Variants in GLT1D1 observed in about 807,000 individuals in gnomAD.
GLT1D1 encodes the protein glycosyltransferase 1 domain containing 1, also known as glycosyltransferase 1 domain-containing protein 1.
A neutral mutation model predicts 28.7 loss-of-function variants in GLT1D1; 21 were observed. The ratio of observed to expected loss-of-function variants is 0.73; its 90% CI spans 0.52 to 1.05. The LOEUF (loss-of-function observed/expected upper bound fraction) is 1.05. GLT1D1 is among the 50% of genes least tolerant of loss of function. The probability of loss-of-function intolerance (pLI) is 0.00; values close to 1 mark genes in which losing one functional copy is unlikely to be tolerated. For synonymous variants in GLT1D1, 147 were observed against 124.8 expected, an observed-to-expected ratio of 1.18 and a Z score of -1.19; for missense variants, 343 against 330.6, an observed-to-expected ratio of 1.04 and a Z score of -0.29.
chr12:128,890,244 C>T (rs577666433), intron 3 of GLT1D1, among the ~76,000 whole-genome samples: 22 of 152,262 alleles, frequency 1.4e-4, no homozygotes, highest in African/African-American at 5.1e-4. Context: ...TAAAACACGC[C>T]TTCTCTGCGC....
At chr12:128,957,491 G>T (rs1020958552) in intron 6 of GLT1D1, 54 bp from the exon 11 acceptor site, 7 of 1,243,308 alleles carry the variant, frequency 5.6e-6, no homozygotes, top group Non-Finnish European at 8.3e-6. Flanking sequence ...TCATCTTGCC[G>T]CAGAGGCTCT....
At chr12:128,950,659 AGT>A (rs1876604228) in intron 6 of GLT1D1, among the ~76,000 whole-genome samples, 1 of 152,138 alleles carries the variant, frequency 6.6e-6, no homozygotes. Context: ...CTGGCTGCTG[AGT>A]GTCTTATGAC....
At chr12:128,899,405 A>G (rs1391948700) in intron 4 of GLT1D1, 118 bp downstream of exon 4, 1 of 808,906 alleles carries the variant, frequency 1.2e-6, no homozygotes, top group African/African-American at 1.7e-5. Context: ...TGTTGCGGCC[A>G]CAATAGTGTA....
chr12:128,880,154 C>T (rs1488739412), intron 2 of GLT1D1, among the ~76,000 whole-genome samples: 1 of 152,196 alleles, frequency 6.6e-6, no homozygotes, highest in Non-Finnish European at 1.5e-5. Context: ...ACTTATTTCT[C>T]CTCTAGTCAG....
At chr12:128,973,473 G>A (rs1363892815) in intron 7 of GLT1D1, among the ~76,000 whole-genome samples, 2 of 151,444 alleles carry the variant, frequency 1.3e-5, no homozygotes, top group African/African-American at 4.9e-5. Context: ...GATGACAAGC[G>A]TGAGCCACCA....
At chr12:128,896,835 G>C (rs1456967025) in intron 3 of GLT1D1, among the ~76,000 whole-genome samples, 1 of 151,894 alleles carries the variant, frequency 6.6e-6, no homozygotes, top group African/African-American at 2.4e-5. Flanking sequence ...TTGAGATTGG[G>C]CATTTATATC....
chr12:128,982,961 T>C lies in GLT1D1; in HGVS notation c.672T>C (p.Ser224=). The C allele has an allele frequency of 1.2e-6, 2 of 1,614,088 alleles. No homozygotes were observed. The highest frequency in any genetic ancestry group is 1.3e-5 in the African/African-American group (1 of 75,038). ...TTCATCTGGCAAAGAGACTGGTTAG[T>C]GATCCTGCATTAGAAAAGGAAATCG... The change falls in exon 8 of 8, where the codon AGT becomes AGC. Residue 224 remains serine (S), a synonymous_variant. Transcript: ENST00000281703.
At chr12:128,978,158 C>T (rs517020) in intron 7 of GLT1D1, among the ~76,000 whole-genome samples, 1 of 151,418 alleles carries the variant, frequency 6.6e-6, no homozygotes, top group African/African-American at 2.4e-5. Flanking sequence ...GAGTGGACAC[C>T]CCCTCCTCCG....
chr12:128,952,773 C>CTTTTTTTTTTTTTTT (rs71072430), intron 6 of GLT1D1, among the ~76,000 whole-genome samples: 1 of 58,936 alleles, frequency 1.7e-5, no homozygotes, highest in African/African-American at 7.9e-5. Flanking sequence ...CCGTGACTGG[C>CTTTTTTTTTTTTTTT]TTTTTTTTTT....
In GLT1D1 at chr12:128,983,534, C is replaced by A; in HGVS notation, c.*444C>A. The A allele has an allele frequency of 6.2e-6, 1 of 161,210 alleles. No homozygotes were observed. The highest frequency in any genetic ancestry group is 5.9e-5 in the Admixed American group (1 of 17,086). 10.0% of individuals were successfully genotyped at this position (161,210 alleles called of 1,614,324 possible). On this transcript the variant is annotated 3_prime_UTR_variant, in exon 8 of 8. Transcript: ENST00000281703. The surrounding 1 kb of genome is among the most constrained non-coding windows in gnomAD (Gnocchi z 4.7). ...AAGCAAAACAGACGTGTCAGCTGAG[C>A]CGAGTCCTCGCAGGATTTTTGTTGT...
chr12:128,965,508 A>T (rs1267920730), intron 7 of GLT1D1, among the ~76,000 whole-genome samples: 2 of 152,108 alleles, frequency 1.3e-5, no homozygotes, highest in Admixed American at 6.6e-5. Context: ...ACTTGCAGAA[A>T]CCATGAGACA....
chr12:128,916,503 C>A (rs1872126218), intron 4 of GLT1D1, among the ~76,000 whole-genome samples: 1 of 152,180 alleles, frequency 6.6e-6, no homozygotes, highest in Admixed American at 6.5e-5. Flanking sequence ...ACTCCACATT[C>A]TTGCCCACCG....
In GLT1D1 at chr12:128,888,717, T is replaced by G; in HGVS notation, c.296T>G (p.Val99Gly). 1 of 1,612,568 alleles carries G rather than the reference T, an allele frequency of 6.2e-7. No homozygotes were observed. Among genetic ancestry groups the G allele is most frequent in the Non-Finnish European group, 8.5e-7 (1 of 1,178,686 alleles). The change falls in exon 3 of 8, where the codon GTC becomes GGC. Residue 99 changes from valine (V) to glycine (G), a missense_variant. Val to Gly is a moderately radical substitution (Grantham distance 109). Transcript: ENST00000281703. ...GCCAACCAGGCGGAAAAAAACACAG[T>G]CATGGGCAGAGTTCTTGAGGAAGCC... is the stretch of plus-strand genomic sequence containing the variant.
chr12:128,867,262 G>A (rs1956556833), intron 1 of GLT1D1, among the ~76,000 whole-genome samples: 1 of 151,562 alleles, frequency 6.6e-6, no homozygotes, highest in Non-Finnish European at 1.5e-5. Flanking sequence ...GCGTGGTGGC[G>A]AATGCCTGTA....
intron 4 of GLT1D1, among the ~76,000 whole-genome samples, chr12:128,938,085 A>C (rs539595986): frequency 1.3e-5 from 2 of 152,328 alleles, no homozygotes; most frequent in East Asian, 3.9e-4. Context: ...GCATAGTTTT[A>C]CAAATTCAGC....
chr12:128,934,146 G>T (rs1262150384), intron 4 of GLT1D1, among the ~76,000 whole-genome samples: 16 of 150,756 alleles, frequency 1.1e-4, no homozygotes, highest in African/African-American at 3.9e-4. Flanking sequence ...GTCACGTTCA[G>T]TGCCTCTTAG....
intron 7 of GLT1D1, among the ~76,000 whole-genome samples, chr12:128,963,405 G>A (rs963920406): frequency 6.6e-6 from 1 of 152,162 alleles, no homozygotes; most frequent in African/African-American, 2.4e-5. Flanking sequence ...CCAGCACTTT[G>A]GGAGGCCGAG....
intron 3 of GLT1D1, among the ~76,000 whole-genome samples, chr12:128,889,469 G>A (rs1464225813): frequency 2.0e-5 from 3 of 152,124 alleles, no homozygotes; most frequent in African/African-American, 7.2e-5. Flanking sequence ...TGCCCTGCAC[G>A]TCTCTGATCC....
intron 4 of GLT1D1, among the ~76,000 whole-genome samples, chr12:128,905,500 G>A (rs1247097458): frequency 6.6e-6 from 1 of 152,230 alleles, no homozygotes; most frequent in African/African-American, 2.4e-5. Flanking sequence ...TGCTCTTGTG[G>A]AAATGTTGTC....
Sources: allele counts gnomAD v4.1 joint callset (sites outside exome capture counted in the v4.1 genomes callset), GRCh38; gene constraint gnomAD v4.1.1; non-coding constraint Gnocchi (gnomAD v3.1); transcripts MANE v1.5; gene names NCBI Gene and HGNC (gene_info 2026-07-23, HGNC 2026-07-21).